ANK3: variants seen among roughly 807,000 people sequenced by gnomAD.
ANK3 encodes the protein ankyrin 3.
A neutral mutation model predicts 370.9 loss-of-function variants in ANK3; 57 were observed. The ratio of observed to expected loss-of-function variants is 0.15; its 90% CI spans 0.12 to 0.19. ANK3 has a LOEUF of 0.19. ANK3 is among the 10% of genes least tolerant of loss of function. The probability of loss-of-function intolerance (pLI) is 1.00; values close to 1 mark genes in which losing one functional copy is unlikely to be tolerated. For synonymous variants in ANK3, 1,929 were observed against 1,946.3 expected (o/e 0.99, Z 0.23); for missense variants, 4,439 against 5,302.1 (o/e 0.84, Z 5.06).
intron 1 of ANK3, among the ~76,000 whole-genome samples, chr10:60,314,647 T>C (rs1268612450): frequency 6.6e-6 from 1 of 152,144 alleles, no homozygotes; most frequent in East Asian, 1.9e-4. Flanking sequence ...TGAGCTTCAC[T>C]TTCATCAAAT....
chr10:60,536,728 A>G (rs1212723793), intron 2 of ANK3, among the ~76,000 whole-genome samples: 2 of 152,026 alleles, frequency 1.3e-5, no homozygotes, highest in Non-Finnish European at 2.9e-5. Flanking sequence ...CTGTGGTTCG[A>G]TGGGTGACAA....
intron 36 of ANK3, 108 bp downstream of exon 36, chr10:60,080,429 T>C: frequency 1.1e-6 from 1 of 951,554 alleles, no homozygotes; most frequent in Non-Finnish European, 1.6e-6. Context: ...CTGCAGGCAA[T>C]TTTTCTTTTG....
chr10:60,158,456 G>A (rs971057885), intron 23 of ANK3, among the ~76,000 whole-genome samples: 8 of 152,084 alleles, frequency 5.3e-5, no homozygotes, highest in Non-Finnish European at 1.0e-4. Flanking sequence ...GTAAATAGAG[G>A]CAACAAAAGT....
At chr10:60,471,363 G>A (rs2065214547) in intron 2 of ANK3, among the ~76,000 whole-genome samples, 1 of 152,122 alleles carries the variant, frequency 6.6e-6, no homozygotes, top group Non-Finnish European at 1.5e-5. Context: ...CTTTTAAGAA[G>A]ATATTCTGCA....
intron 1 of ANK3, among the ~76,000 whole-genome samples, chr10:60,292,743 CTG>C (rs2041711417): frequency 6.8e-6 from 1 of 146,122 alleles, no homozygotes; most frequent in Non-Finnish European, 1.5e-5. Flanking sequence ...GAGTCTCACT[CTG>C]TTGCCAGGCC....
At position 60,664,226 on chromosome 10, in the gene ANK3, A is replaced by G. The variant is rs118089101; in HGVS notation, c.58-49002T>C. ...AATAAAGAAGAAGAACTTAGTGTCA[A>G]ATTTCTTGTACTAATACTGTCAAGT... On this transcript the variant is annotated intron_variant, in intron 1 of 43. Coordinates refer to the ANK3 transcript ENST00000373827. Among the ~76,000 whole-genome samples the G allele has an allele frequency of 7.3e-3, 1,114 of 152,366 alleles. 8 individuals carry two copies. Among genetic ancestry groups the G allele is most frequent in the Non-Finnish European group, 0.011 (721 of 68,038 alleles).
chr10:60,329,812 G>A (rs558015603), intron 1 of ANK3, among the ~76,000 whole-genome samples: 38 of 152,224 alleles, frequency 2.5e-4, no homozygotes, highest in African/African-American at 8.9e-4. Context: ...AATCAAAAAA[G>A]AGCCTGTATA....
chr10:60,212,470 A>C (rs565446079), intron 9 of ANK3, among the ~76,000 whole-genome samples: 53 of 152,242 alleles, frequency 3.5e-4, no homozygotes, highest in Non-Finnish European at 6.9e-4. Context: ...GAAAAGAACA[A>C]ATAGAATCAT....
At chr10:60,068,277 C>T (rs753261892) in intron 37 of ANK3, among the ~76,000 whole-genome samples, 2 of 152,104 alleles carry the variant, frequency 1.3e-5, no homozygotes, top group Non-Finnish European at 2.9e-5. Context: ...ACAGAAGTGT[C>T]GTGTTGGTGA....
At chr10:60,085,869 C>T (rs2086569215) in intron 30 of ANK3, among the ~76,000 whole-genome samples, 2 of 152,188 alleles carry the variant, frequency 1.3e-5, no homozygotes, top group African/African-American at 4.8e-5. Context: ...ACCGCCTTGG[C>T]TTCCCAAAGT....
At chr10:60,335,556 C>A (rs979451253) in intron 1 of ANK3, among the ~76,000 whole-genome samples, 2 of 152,026 alleles carry the variant, frequency 1.3e-5, no homozygotes, top group African/African-American at 4.8e-5. Flanking sequence ...TGCAGAATAG[C>A]AAACCAGGGC....
At chr10:60,318,283 C>G (rs934997820) in intron 1 of ANK3, among the ~76,000 whole-genome samples, 5 of 152,140 alleles carry the variant, frequency 3.3e-5, no homozygotes, top group Admixed American at 6.5e-5. Context: ...CAATTATCTA[C>G]TCAACACCCA....
chr10:60,172,312 G>C lies in ANK3; in HGVS notation c.2474C>G (p.Thr825Arg). The change falls in exon 21 of 44, where the codon ACA (threonine) becomes AGA (arginine). Residue 825 changes from threonine (T) to arginine (R), a missense_variant. By Grantham distance (71) the Thr-to-Arg change is moderately conservative (BLOSUM62 -1). Transcript: ENST00000280772. ...GGTTCTGCATTCCTTACTTACAGTT[G>C]TGGTCATGGTCTCTTCGGTCACTAT... The part of the protein sequence containing the change: ...LKIVTEETMT[T>R]TTVTEKHKMN... 1.2e-6 allele frequency: 2 copies of C among 1,613,060 alleles called. No homozygotes were observed. Among genetic ancestry groups the C allele is most frequent in the Non-Finnish European group, 1.7e-6 (2 of 1,179,182 alleles).
At chr10:60,269,743 A>T (rs964921357) in intron 5 of ANK3, among the ~76,000 whole-genome samples, 8 of 151,450 alleles carry the variant, frequency 5.3e-5, no homozygotes, top group African/African-American at 1.9e-4. Flanking sequence ...ATAATTAGGT[A>T]AACTTAAATT....
intron 1 of ANK3, among the ~76,000 whole-genome samples, chr10:60,363,348 CTT>C (rs2058918393): frequency 6.6e-6 from 1 of 152,170 alleles, no homozygotes; most frequent in African/African-American, 2.4e-5. Context: ...AGAAACCCCT[CTT>C]TGTTTACCTC....
At chr10:60,729,561 T>C (rs536046627) in intron 1 of ANK3, among the ~76,000 whole-genome samples, 1 of 152,310 alleles carries the variant, frequency 6.6e-6, no homozygotes, top group East Asian at 1.9e-4. Context: ...GGGCCAATTT[T>C]TCATTACTTC....
chr10:60,326,968 G>A (rs147927575), intron 1 of ANK3, among the ~76,000 whole-genome samples: 75 of 151,104 alleles, frequency 5.0e-4, no homozygotes, highest in Admixed American at 1.0e-3. Flanking sequence ...TGTAGTGAGC[G>A]GAAATGGTGC....
intron 1 of ANK3, among the ~76,000 whole-genome samples, chr10:60,306,428 CATAT>C (rs753175801): frequency 9.8e-5 from 11 of 112,046 alleles, no homozygotes; most frequent in African/African-American, 2.7e-4. Context: ...GGTGTATGTG[CATAT>C]ATATATATAT....
Position 60,668,896 on chromosome 10 carries a change from G to A in ANK3, c.58-53672C>T, listed in dbSNP as rs1389283931. On this transcript the variant is annotated intron_variant, in intron 1 of 43. Transcript: ENST00000373827. ...TATTCCCAGCTACTTGCCAGGCTGA[G>A]GCAGGAGAATCGCTGGAACCCAGGA... Among the ~76,000 whole-genome samples, 3 of 152,128 alleles carry A rather than the reference G, an allele frequency of 2.0e-5. 1 individual carries two copies. The highest frequency in any genetic ancestry group is 4.4e-5 in the Non-Finnish European group (3 of 68,030).
Sources: allele counts gnomAD v4.1 joint callset (sites outside exome capture counted in the v4.1 genomes callset), GRCh38; gene constraint gnomAD v4.1.1; transcripts MANE v1.5; gene names NCBI Gene and HGNC (gene_info 2026-07-23, HGNC 2026-07-21).